CCDC91: variants seen among roughly 807,000 people sequenced by gnomAD.
CCDC91 encodes the protein coiled-coil domain containing 91, also known as coiled-coil domain-containing protein 91.
CCDC91 carries 48 observed loss-of-function variants against 63.2 expected under a neutral mutation model. The observed-to-expected ratio is 0.76, with a 90% confidence interval of 0.60 to 0.97. CCDC91 has a LOEUF of 0.97. CCDC91 is among the 50% of genes least tolerant of loss of function. The pLI, the probability that CCDC91 is intolerant of heterozygous loss-of-function variation, is 0.00. For missense variants in CCDC91, 500 were observed against 494.6 expected (o/e 1.01, Z -0.10); for synonymous variants, 167 against 165.8 (o/e 1.01, Z -0.06).
At chr12:28,388,883 A>C (rs1295819070) in intron 7 of CCDC91, among the ~76,000 whole-genome samples, 1 of 152,222 alleles carries the variant, frequency 6.6e-6, no homozygotes. Context: ...CTTAAATCTA[A>C]GACCTGAAAC....
intron 12 of CCDC91, among the ~76,000 whole-genome samples, chr12:28,545,784 TATATATATCCTCTTAAAAAATTACAG>T (rs1272367549): frequency 7.2e-5 from 11 of 152,128 alleles, no homozygotes; most frequent in Non-Finnish European, 1.3e-4. Flanking sequence ...TTTGTCCTTA[TATATATATCCTCTTAAAAAATTACAG>T]AAATACTCCT....
At chr12:28,398,154 G>T (rs1379672968) in intron 8 of CCDC91, among the ~76,000 whole-genome samples, 3 of 152,070 alleles carry the variant, frequency 2.0e-5, no homozygotes, top group Non-Finnish European at 4.4e-5. Flanking sequence ...ATCAACACAA[G>T]AAGTTCTCTT....
At chr12:28,310,348 T>A (rs1939190304) in intron 6 of CCDC91, among the ~76,000 whole-genome samples, 1 of 152,060 alleles carries the variant, frequency 6.6e-6, no homozygotes, top group African/African-American at 2.4e-5. Flanking sequence ...TTTACATTAA[T>A]GACCAATATA....
chr12:28,254,291 A>G (rs1946300795), intron 1 of CCDC91, among the ~76,000 whole-genome samples: 1 of 152,208 alleles, frequency 6.6e-6, no homozygotes. Flanking sequence ...ATTACACAAA[A>G]GAATGAATTA....
At chr12:28,441,483 A>G (rs1308369884) in intron 8 of CCDC91, among the ~76,000 whole-genome samples, 6 of 152,074 alleles carry the variant, frequency 3.9e-5, no homozygotes, top group African/African-American at 9.7e-5. Context: ...AAATTATGGT[A>G]TATTTATACA....
intron 8 of CCDC91, among the ~76,000 whole-genome samples, chr12:28,447,005 G>C (rs1949534901): frequency 6.6e-6 from 1 of 152,106 alleles, no homozygotes. Context: ...TTTGCCCGTT[G>C]TCCTGTTATT....
At chr12:28,496,646 G>C (rs2141057922) in intron 12 of CCDC91, among the ~76,000 whole-genome samples, 1 of 151,594 alleles carries the variant, frequency 6.6e-6, no homozygotes, top group East Asian at 2.0e-4. Context: ...AGTTAAACTA[G>C]GTGGGTTTCA....
intron 11 of CCDC91, among the ~76,000 whole-genome samples, chr12:28,465,588 T>C (rs1226789183): frequency 6.6e-6 from 1 of 152,186 alleles, no homozygotes; most frequent in Non-Finnish European, 1.5e-5. Flanking sequence ...TGTACCTCTA[T>C]GAGTCTACAA....
intron 12 of CCDC91, among the ~76,000 whole-genome samples, chr12:28,521,224 TG>T (rs1329513218): frequency 4.6e-5 from 7 of 152,224 alleles, no homozygotes; most frequent in Non-Finnish European, 7.3e-5. Flanking sequence ...TTCTTCCATT[TG>T]TTTGTGTCCT....
intron 8 of CCDC91, among the ~76,000 whole-genome samples, chr12:28,441,075 A>G (rs1251883628): frequency 1.1e-4 from 3 of 27,136 alleles, no homozygotes; most frequent in African/African-American, 2.0e-4. Flanking sequence ...AAAAAAAAAA[A>G]AAAAAAAAAG....
intron 8 of CCDC91, among the ~76,000 whole-genome samples, chr12:28,432,241 C>T (rs1276149549): frequency 3.9e-5 from 6 of 152,036 alleles, no homozygotes; most frequent in Non-Finnish European, 2.9e-5. Flanking sequence ...TATCCATTTA[C>T]ATACTAAAGG....
At chr12:28,338,554 C>CTT (rs1304622580) in intron 6 of CCDC91, among the ~76,000 whole-genome samples, 1 of 151,868 alleles carries the variant, frequency 6.6e-6, no homozygotes, top group Admixed American at 6.6e-5. Flanking sequence ...AGAGAGATAC[C>CTT]AGGGGGCCAC....
At position 28,450,248 on chromosome 12, in the gene CCDC91, C is replaced by T. The variant is rs1949734593; in HGVS notation, c.850C>T (p.Gln284Ter). 1 of 1,602,924 alleles carries T rather than the reference C, an allele frequency of 6.2e-7. No individual in the cohort carries two copies. The highest frequency in any genetic ancestry group is 8.5e-7 in the Non-Finnish European group (1 of 1,170,894). The change falls in exon 9 of 13, where the codon CAG (glutamine) becomes TAG (stop). Residue 284 changes from glutamine (Q) to a stop codon, truncating the protein, a stop_gained. Transcript: ENST00000536442. LOFTEE classifies it high-confidence loss of function. ...AGCTTTGATTCAGCAATCTCAAGAA[C>T]AGAAGGTAATACTTTAACTGTGCTC... The part of the protein sequence containing the change: ...KEALIQQSQE[Q>*]KEILEKCLEE...
At chr12:28,441,926 T>G (rs1298871551) in intron 8 of CCDC91, among the ~76,000 whole-genome samples, 1 of 151,908 alleles carries the variant, frequency 6.6e-6, no homozygotes, top group Non-Finnish European at 1.5e-5. Flanking sequence ...ATAGCTAAGA[T>G]TTGTGTATTT....
intron 1 of CCDC91, among the ~76,000 whole-genome samples, chr12:28,242,253 T>C (rs1028056790): frequency 8.3e-4 from 126 of 152,262 alleles, no homozygotes; most frequent in Non-Finnish European, 2.8e-4. Flanking sequence ...CCTAAGTGTT[T>C]GACATGTGAC....
At chr12:28,458,455 C>CCTTTTT (rs1950154535) in intron 11 of CCDC91, among the ~76,000 whole-genome samples, 1 of 45,792 alleles carries the variant, frequency 2.2e-5, no homozygotes, top group African/African-American at 1.1e-4. Flanking sequence ...ATTTGCACAC[C>CCTTTTT]TTTTTTTTTT....
At chr12:28,246,661 G>C (rs1389758413) in intron 1 of CCDC91, among the ~76,000 whole-genome samples, 1 of 152,160 alleles carries the variant, frequency 6.6e-6, no homozygotes, top group East Asian at 1.9e-4. Flanking sequence ...ACAGTATAAT[G>C]AAAGGATTGG....
intron 3 of CCDC91, chr12:28,302,915 T>C (rs1268773861): frequency 6.6e-6 from 1 of 152,092 alleles, no homozygotes; most frequent in African/African-American, 2.4e-5. Flanking sequence ...TTGAAAGTGG[T>C]AATCTGGAAT....
chr12:28,191,639 C>A (rs1234228235), intron 1 of CCDC91, among the ~76,000 whole-genome samples: 6 of 150,952 alleles, frequency 4.0e-5, no homozygotes, highest in South Asian at 2.1e-4. Flanking sequence ...TTCCCCCCCC[C>A]ACAATATTTA....
Sources: allele counts gnomAD v4.1 joint callset (sites outside exome capture counted in the v4.1 genomes callset), GRCh38; gene constraint gnomAD v4.1.1; transcripts MANE v1.5; gene names NCBI Gene and HGNC (gene_info 2026-07-23, HGNC 2026-07-21).